The following PPP1R14C variants were observed in gnomAD, a reference collection of about 807,000 sequenced individuals.
PPP1R14C encodes the protein protein phosphatase 1 regulatory inhibitor subunit 14C.
In PPP1R14C, 16 loss-of-function variants were observed where a neutral mutation model predicts 20.4. The ratio of observed to expected loss-of-function variants is 0.78; its 90% confidence interval spans 0.53 to 1.19. PPP1R14C has a LOEUF of 1.19. PPP1R14C is among the 50% of genes most tolerant of loss of function. The pLI is 0.00. For missense variants in PPP1R14C, 211 were observed against 220.1 expected, an observed-to-expected ratio of 0.96 and a Z score of 0.26; for synonymous variants, 91 against 91.0, an observed-to-expected ratio of 1.00 and a Z score of 0.00.
intron 3 of PPP1R14C, among the ~76,000 whole-genome samples, chr6:150,245,951 A>T (rs1778484947): frequency 6.6e-6 from 1 of 152,234 alleles, no homozygotes; most frequent in African/African-American, 2.4e-5. Context: ...GTGTATTAAG[A>T]TATAGATGTA....
At chr6:150,232,583 T>C (rs1778307764) in intron 3 of PPP1R14C, among the ~76,000 whole-genome samples, 1 of 152,234 alleles carries the variant, frequency 6.6e-6, no homozygotes. Context: ...TCAAACCCTC[T>C]TGAATTTGTC....
At chr6:150,175,276 G>A (rs1026192734) in intron 1 of PPP1R14C, among the ~76,000 whole-genome samples, 6 of 152,144 alleles carry the variant, frequency 3.9e-5, no homozygotes, top group South Asian at 2.1e-4. Flanking sequence ...GCTGAGAGCC[G>A]TGGAGAAGGT....
intron 1 of PPP1R14C, among the ~76,000 whole-genome samples, chr6:150,171,079 C>T (rs374751613): frequency 1.2e-4 from 18 of 152,148 alleles, no homozygotes; most frequent in East Asian, 9.7e-4. Context: ...TGGTCACAAT[C>T]GATGAACCTA....
intron 1 of PPP1R14C, among the ~76,000 whole-genome samples, chr6:150,186,756 A>C (rs1039922572): frequency 1.6e-4 from 24 of 152,140 alleles, no homozygotes; most frequent in African/African-American, 5.6e-4. Context: ...AAGACTGAGC[A>C]CTGAGAGCCT....
chr6:150,150,956 T>C (rs62440033), intron 1 of PPP1R14C, among the ~76,000 whole-genome samples: 27,343 of 152,110 alleles, frequency 0.18, 3,000 homozygotes, highest in South Asian at 0.31. Flanking sequence ...CTTCCCTTTC[T>C]GGGTTTTTCC....
intron 3 of PPP1R14C, among the ~76,000 whole-genome samples, chr6:150,233,976 G>A (rs1013162752): frequency 3.9e-5 from 6 of 152,314 alleles, no homozygotes; most frequent in African/African-American, 1.4e-4. Context: ...CACAGCTTTG[G>A]GATGTGGGAG....
At chr6:150,144,423 A>G (rs937514628) in intron 1 of PPP1R14C, among the ~76,000 whole-genome samples, 1 of 152,206 alleles carries the variant, frequency 6.6e-6, no homozygotes, top group East Asian at 1.9e-4. Context: ...ATGATCTCTC[A>G]TGAGCATCTT....
At chr6:150,193,667 G>C (rs536166736) in intron 1 of PPP1R14C, among the ~76,000 whole-genome samples, 1 of 152,202 alleles carries the variant, frequency 6.6e-6, no homozygotes, top group South Asian at 2.1e-4. Flanking sequence ...GGAGGGAGGG[G>C]ATGACATCTG....
At chr6:150,152,634 C>G (rs907510807) in intron 1 of PPP1R14C, among the ~76,000 whole-genome samples, 1 of 152,118 alleles carries the variant, frequency 6.6e-6, no homozygotes, top group African/African-American at 2.4e-5. Context: ...TGTTCTTAGC[C>G]TGGTACTTGG....
At chr6:150,238,311 T>A (rs1329002167) in intron 3 of PPP1R14C, among the ~76,000 whole-genome samples, 4 of 152,222 alleles carry the variant, frequency 2.6e-5, no homozygotes, top group Non-Finnish European at 5.9e-5. Flanking sequence ...TGGCCAGATC[T>A]TAGAAACTGG....
intron 1 of PPP1R14C, among the ~76,000 whole-genome samples, chr6:150,184,598 T>G (rs1328678552): frequency 1.3e-5 from 2 of 152,062 alleles, no homozygotes; most frequent in Non-Finnish European, 2.9e-5. Context: ...TACCTATATC[T>G]TGGAGACAGC....
chr6:150,240,127 A>T (rs1349170511), intron 3 of PPP1R14C, among the ~76,000 whole-genome samples: 1 of 152,178 alleles, frequency 6.6e-6, no homozygotes, highest in Non-Finnish European at 1.5e-5. Context: ...TGAAAAGGTC[A>T]ATACAATTGA....
chr6:150,239,826 G>A (rs904844692), intron 3 of PPP1R14C, among the ~76,000 whole-genome samples: 3 of 152,232 alleles, frequency 2.0e-5, no homozygotes, highest in Non-Finnish European at 4.4e-5. Context: ...GCCAAGGCGG[G>A]TGGATCACTT....
At chr6:150,207,296 G>A (rs1777965480) in intron 1 of PPP1R14C, among the ~76,000 whole-genome samples, 1 of 152,220 alleles carries the variant, frequency 6.6e-6, no homozygotes, top group Admixed American at 6.5e-5. Flanking sequence ...CACTGGAAAG[G>A]CATATGCTTG....
chr6:150,244,151 T>C (rs907878022), intron 3 of PPP1R14C, among the ~76,000 whole-genome samples: 4 of 142,070 alleles, frequency 2.8e-5, no homozygotes, highest in African/African-American at 1.1e-4. Flanking sequence ...ATTTCAATTA[T>C]GCCTTAATAA....
Position 150,214,884 on chromosome 6 carries a change from G to T in PPP1R14C, c.390+57G>T. 3 of 1,267,592 alleles carry T rather than the reference G, an allele frequency of 2.4e-6. No homozygotes were observed. The South Asian group carries it at 3.8e-5, about 16-fold the overall frequency. The allele number at this position is 1,267,592 out of a possible 1,614,324, so 78.5% of individuals were successfully genotyped here. A position where few individuals can be genotyped will look rare whatever the true frequency, so the allele number is the denominator to read the frequency against. The stretch of plus-strand genomic sequence containing the variant: ...ATCATGGACACTTGAGAGTCTACTT[G>T]GGTCTTCAGTGCTTGGCATCAACTG... On this transcript the variant is annotated intron_variant, in intron 2 of 3. Transcript: ENST00000361131.
chr6:150,169,123 C>T (rs1183788743), intron 1 of PPP1R14C, among the ~76,000 whole-genome samples: 1 of 152,190 alleles, frequency 6.6e-6, no homozygotes, highest in Non-Finnish European at 1.5e-5. Context: ...GCGATCCACC[C>T]ATCGTGGCCT....
intron 3 of PPP1R14C, among the ~76,000 whole-genome samples, chr6:150,224,490 C>G (rs1175880465): frequency 6.6e-6 from 1 of 152,136 alleles, no homozygotes; most frequent in Non-Finnish European, 1.5e-5. Flanking sequence ...CATAGAATAC[C>G]TCTCCAATTA....
At chr6:150,161,620 TGTA>T (rs1310080172) in intron 1 of PPP1R14C, among the ~76,000 whole-genome samples, 3 of 152,060 alleles carry the variant, frequency 2.0e-5, no homozygotes, top group Non-Finnish European at 4.4e-5. Flanking sequence ...ATTGTTCAGT[TGTA>T]GTATATATGT....
Sources: allele counts gnomAD v4.1 joint callset (sites outside exome capture counted in the v4.1 genomes callset), GRCh38; gene constraint gnomAD v4.1.1; transcripts MANE v1.5; gene names NCBI Gene and HGNC (gene_info 2026-07-23, HGNC 2026-07-21).